The following DMD variants were observed in gnomAD, a reference collection of about 807,000 sequenced individuals.
The protein encoded by DMD is mutant dystrophin.
Under a neutral mutation model 330.1 loss-of-function variants are expected in DMD, and 63 were observed. The observed-to-expected ratio is 0.19, with a 90% CI of 0.16 to 0.24. The LOEUF is 0.24. DMD is among the 10% of genes least tolerant of loss of function. The probability of loss-of-function intolerance (pLI) is 1.00; values close to 1 mark genes in which losing one functional copy is unlikely to be tolerated. For missense variants in DMD, 3,344 were observed against 2,684.1 expected (o/e 1.25, Z -5.43); for synonymous variants, 1,223 against 959.8 (o/e 1.27, Z -5.07).
chrX:33,008,963 T>TACAC (rs2093480234), intron 2 of DMD, among the ~76,000 whole-genome samples: 1 of 96,504 alleles, frequency 1.0e-5, no homozygotes, highest in East Asian at 3.3e-4. Context: ...TATATATACA[T>TACAC]ATGTGTATAT....
intron 54 of DMD, among the ~76,000 whole-genome samples, chrX:31,642,382 T>G (rs1300614808): frequency 8.9e-6 from 1 of 112,316 alleles, no homozygotes; most frequent in Non-Finnish European, 1.9e-5. Flanking sequence ...CTTTAAATTA[T>G]GGATATCATG....
chrX:31,221,599 A>G (rs191151754), intron 64 of DMD, among the ~76,000 whole-genome samples: 1 of 113,285 alleles, frequency 8.8e-6, no homozygotes, highest in Admixed American at 9.3e-5. Context: ...ACAACTAAAT[A>G]TATGACATTG....
At chrX:32,089,440 T>A in intron 44 of DMD, among the ~76,000 whole-genome samples, 1 of 111,578 alleles carries the variant, frequency 9.0e-6, no homozygotes, top group East Asian at 2.8e-4. Context: ...CCTCCACTTG[T>A]GTTCCACCCT....
intron 9 of DMD, among the ~76,000 whole-genome samples, chrX:32,659,035 C>T (rs192817994): frequency 0.01 from 1,142 of 112,093 alleles, 12 homozygotes; most frequent in African/African-American, 0.036. Context: ...TGCCATTCAA[C>T]TTTTATAAAA....
At chrX:32,143,539 C>T (rs890837580) in intron 44 of DMD, among the ~76,000 whole-genome samples, 19 of 106,290 alleles carry the variant, frequency 1.8e-4, no homozygotes, top group Non-Finnish European at 3.1e-4. Flanking sequence ...AGTAAAAATA[C>T]ATTTTTTTTT....
At chrX:31,782,294 G>A (rs1254676719) in intron 50 of DMD, among the ~76,000 whole-genome samples, 4 of 110,752 alleles carry the variant, frequency 3.6e-5, no homozygotes, top group Non-Finnish European at 5.7e-5. Context: ...CACTTGTTTC[G>A]GCTAATGAGG....
At chrX:31,569,599 C>A (rs866386699) in intron 55 of DMD, among the ~76,000 whole-genome samples, 1 of 79,147 alleles carries the variant, frequency 1.3e-5, no homozygotes, top group African/African-American at 4.5e-5. Flanking sequence ...TATATATACA[C>A]ATATATGTAT....
intron 50 of DMD, among the ~76,000 whole-genome samples, chrX:31,803,102 G>A (rs1300517948): frequency 1.8e-5 from 2 of 112,051 alleles, no homozygotes; most frequent in African/African-American, 3.2e-5. Flanking sequence ...ATATCCATGG[G>A]CTCCCATCTC....
At chrX:32,033,849 G>T (rs2095916165) in intron 44 of DMD, among the ~76,000 whole-genome samples, 1 of 111,724 alleles carries the variant, frequency 9.0e-6, no homozygotes, top group Admixed American at 9.5e-5. Context: ...TATGTGGCAT[G>T]CAGGCAACCA....
chrX:32,034,139 T>G (rs2095919516), intron 44 of DMD, among the ~76,000 whole-genome samples: 1 of 111,795 alleles, frequency 8.9e-6, no homozygotes, highest in Non-Finnish European at 1.9e-5. Flanking sequence ...TTGAACACAT[T>G]CAAAAGCATT....
At chrX:31,894,730 T>C (rs1485146168) in intron 47 of DMD, among the ~76,000 whole-genome samples, 1 of 111,953 alleles carries the variant, frequency 8.9e-6, no homozygotes, top group Non-Finnish European at 1.9e-5. Flanking sequence ...ACATTTTAAT[T>C]TCTTCATTGG....
intron 1 of DMD, among the ~76,000 whole-genome samples, chrX:33,196,468 G>A (rs1255907409): frequency 9.0e-6 from 1 of 111,387 alleles, no homozygotes; most frequent in Non-Finnish European, 1.9e-5. Context: ...CAATTACAAG[G>A]TGGGATTTTC....
chrX:32,875,321 C>G (rs1419868847), intron 2 of DMD, among the ~76,000 whole-genome samples: 4 of 112,033 alleles, frequency 3.6e-5, no homozygotes, highest in Admixed American at 9.5e-5. Flanking sequence ...CTGAATTTCC[C>G]CAGTGCCTGT....
rs770059167 is a variant in DMD at position 32,800,202 on chromosome X, G to C, written c.649+9291C>G. On this transcript the variant is annotated intron_variant, in intron 7 of 78. Coordinates refer to ENST00000357033, the MANE Select transcript of DMD (RefSeq NM_004006.3). The stretch of plus-strand genomic sequence containing the variant: ...GGAGAGTAGCCAACATCATGCATAA[G>C]CTACAGAACCAATATCTGGTTAAAT... Among the ~76,000 whole-genome samples the C allele has an allele frequency of 3.6e-5, 4 of 111,772 alleles. No individual in the cohort carries two copies. In the East Asian group the frequency reaches 1.1e-3, roughly 31 times the overall value.
intron 1 of DMD, among the ~76,000 whole-genome samples, chrX:33,207,905 C>T (rs2051674767): frequency 9.0e-6 from 1 of 111,483 alleles, no homozygotes; most frequent in Non-Finnish European, 1.9e-5. Context: ...CACACTGCAG[C>T]CCATGACCTT....
intron 7 of DMD, among the ~76,000 whole-genome samples, chrX:32,727,115 C>G (rs1661036794): frequency 9.0e-6 from 1 of 111,000 alleles, no homozygotes; most frequent in African/African-American, 3.3e-5. Flanking sequence ...ATGATATCAT[C>G]TTTAATAATT....
rs915970542 is a variant in DMD at position 33,302,885 on chromosome X, A to G, written c.7+36374T>C. ...ATGTATTCACAATTATAGCATCATTACAGAGAATTTCCCTGTCCTAAAATT... is the reference window on the plus strand; with the variant it reads ...ATGTATTCACAATTATAGCATCATTGCAGAGAATTTCCCTGTCCTAAAATT... On this transcript the variant is annotated intron_variant, in intron 1 of 17. Coordinates refer to the DMD transcript ENST00000288447. 5.4e-5 allele frequency among the ~76,000 whole-genome samples: 6 copies of G among 111,933 alleles called. No individual in the cohort carries two copies. The Admixed American group carries it at 5.7e-4, about 11-fold the overall frequency.
intron 2 of DMD, among the ~76,000 whole-genome samples, chrX:32,956,251 C>T (rs763692296): frequency 3.6e-5 from 4 of 111,641 alleles, no homozygotes; most frequent in African/African-American, 6.5e-5. Context: ...TAATAAATTG[C>T]GTTGAGCAGT....
At chrX:31,629,007 GA>G (rs1321418474) in intron 54 of DMD, among the ~76,000 whole-genome samples, 1 of 106,307 alleles carries the variant, frequency 9.4e-6, no homozygotes, top group African/African-American at 3.4e-5. Context: ...TAATAGCTTA[GA>G]AAGGAAAATT....
Sources: allele counts gnomAD v4.1 joint callset (sites outside exome capture counted in the v4.1 genomes callset), GRCh38; gene constraint gnomAD v4.1.1; transcripts MANE v1.5; gene names NCBI Gene and HGNC (gene_info 2026-07-23, HGNC 2026-07-21).